Variants in RIOX2 observed in about 807,000 individuals in gnomAD.
RIOX2 encodes ribosomal oxygenase 2, also known as 60S ribosomal protein L27a histidine hydroxylase.
Under a neutral mutation model 51.2 loss-of-function variants are expected in RIOX2, and 43 were observed. That is an observed-to-expected ratio of 0.84 (90% confidence interval 0.66 to 1.08). The LOEUF (loss-of-function observed/expected upper bound fraction) is 1.08, where lower values mean the gene tolerates loss of function less well. Among genes scored for constraint, RIOX2 ranks in the 50% least tolerant of loss-of-function variants. RIOX2 has a pLI of 0.00. For missense variants in RIOX2, 566 were observed against 561.7 expected, an observed-to-expected ratio of 1.01 and a Z score of -0.08; for synonymous variants, 226 against 218.5, an observed-to-expected ratio of 1.03 and a Z score of -0.30.
intron 2 of RIOX2, 119 bp from the exon 3 acceptor site, chr3:97,961,827 C>G (rs931022358): frequency 9.2e-7 from 1 of 1,086,612 alleles, no homozygotes; most frequent in Non-Finnish European, 1.2e-6. Flanking sequence ...CTATTATACA[C>G]CAGATACTGG....
chr3:97,970,002 A>G (rs1432158813), intron 1 of RIOX2, among the ~76,000 whole-genome samples: 4 of 152,236 alleles, frequency 2.6e-5, no homozygotes, highest in Non-Finnish European at 4.4e-5. Flanking sequence ...CACCCTATAG[A>G]GTCATTTTAT....
At chr3:97,959,305 G>T in intron 3 of RIOX2, 126 bp from the exon 4 acceptor site, 2 of 423,450 alleles carry the variant, frequency 4.7e-6, no homozygotes, top group Non-Finnish European at 7.5e-6. Context: ...GAACAACACA[G>T]GTTTTTTTTT....
chr3:97,967,492 G>T lies in RIOX2; in HGVS notation c.102C>A (p.Asn34Lys). The T allele has an allele frequency of 6.2e-7, 1 of 1,614,168 alleles. No homozygotes were observed. The highest frequency in any genetic ancestry group is 8.5e-7 in the Non-Finnish European group (1 of 1,180,042). ...CAAAGAGACTACTGGGACTGTCAAA[G>T]TTTAAAGCTGAAGGCCCCCCAGCTG... Reference protein sequence around the residue: ...LEAAGGPSALNFDSPSSLFES... With the variant: ...LEAAGGPSALKFDSPSSLFES... Residue 34 changes from asparagine (N) to lysine (K), a missense_variant, in exon 2 of 10, where the codon AAC becomes AAA. Asn to Lys is a moderately conservative substitution (Grantham distance 94). Coordinates refer to ENST00000394198, the MANE Select transcript of RIOX2 (RefSeq NM_153182.4).
chr3:97,950,687 C>A, intron 6 of RIOX2, 99 bp downstream of exon 6: 1 of 901,122 alleles, frequency 1.1e-6, no homozygotes. Flanking sequence ...ACAAGCCTGG[C>A]TCATGTTGGA....
intron 8 of RIOX2, among the ~76,000 whole-genome samples, chr3:97,946,374 C>T (rs2040357184): frequency 6.6e-6 from 1 of 151,856 alleles, no homozygotes; most frequent in South Asian, 2.1e-4. Flanking sequence ...ATTTCAATTA[C>T]ACTACCCTCC....
At position 97,947,385 on chromosome 3, in the gene RIOX2, T is replaced by C; in HGVS notation, c.1125A>G (p.Thr375=). 6.2e-7 allele frequency: 1 copy of C among 1,613,416 alleles called. No homozygotes were observed. The highest frequency in any genetic ancestry group is 8.5e-7 in the Non-Finnish European group (1 of 1,179,454). ...CAGATTGATCTTGATCCGGCAGTAC[T>C]GTGAGGACAATGTGGTCTTTAAACT... ...RLQFKDHIVL[T]VLPDQDQSDE... The change falls in exon 8 of 10, where the codon ACA becomes ACG. Residue 375 remains threonine, a synonymous_variant. Transcript: ENST00000394198.
chr3:97,945,590 C>T (rs989128780), intron 9 of RIOX2: 3 of 606,522 alleles, frequency 4.9e-6, no homozygotes, highest in Non-Finnish European at 8.7e-6. Flanking sequence ...GCTACAGGTC[C>T]CAGCTAGTAT....
chr3:97,952,257 C>T, intron 5 of RIOX2: 1 of 1,288,270 alleles, frequency 7.8e-7, no homozygotes. Flanking sequence ...GCATCACTGT[C>T]CAAGACACAG....
intron 3 of RIOX2, among the ~76,000 whole-genome samples, chr3:97,960,928 T>TA (rs1705651672): frequency 6.6e-6 from 1 of 152,178 alleles, no homozygotes; most frequent in Non-Finnish European, 1.5e-5. Flanking sequence ...TTAAAAATAT[T>TA]AAAAATAACA....
At position 97,944,584 on chromosome 3, in the gene RIOX2, A is replaced by G. The variant is rs1040663706; in HGVS notation, c.*600T>C. The G allele has an allele frequency of 2.0e-5, 3 of 152,368 alleles. No individual in the cohort carries two copies. Among genetic ancestry groups the G allele is most frequent in the African/African-American group, 7.2e-5 (3 of 41,422 alleles). The allele number at this position is 152,368 out of a possible 1,614,324, so 9.4% of individuals were successfully genotyped here. ...TTTGAGTATTTTTTATAGACTTTAA[A>G]TACTGGGTTTTTTTCCTCCTTCAAT... On this transcript the variant is annotated 3_prime_UTR_variant, in exon 10 of 10. Transcript: ENST00000394198.
rs373035216 is a variant in RIOX2, at chr3:97,954,418, G to T, written c.759C>A (p.His253Gln). 2 of 1,613,808 alleles carry T rather than the reference G, an allele frequency of 1.2e-6. No individual in the cohort carries two copies. The highest frequency in any genetic ancestry group is 1.3e-5 in the African/African-American group (1 of 74,936). ...DTPAGLAHSTHVTISTYQNNS... is the reference protein window; with the variant it reads ...DTPAGLAHSTQVTISTYQNNS... Reference sequence around the variant, plus strand: ...TGTTCTGGTAGGTGCTGATGGTCACGTGAGTAGAGTGGGCCAGCCCCGCAG... The same window carrying T: ...TGTTCTGGTAGGTGCTGATGGTCACTTGAGTAGAGTGGGCCAGCCCCGCAG... The change falls in exon 5 of 10, where the codon CAC becomes CAA. Residue 253 changes from histidine (H) to glutamine (Q), a missense_variant. Coordinates refer to ENST00000394198, the MANE Select transcript of RIOX2 (RefSeq NM_153182.4).
intron 2 of RIOX2, among the ~76,000 whole-genome samples, chr3:97,966,120 T>C (rs1236920645): frequency 2.6e-5 from 4 of 152,186 alleles, no homozygotes; most frequent in South Asian, 4.1e-4. Flanking sequence ...CAAGATCTTT[T>C]AGACAAGAAA....
At position 97,944,050 on chromosome 3, in the gene RIOX2, T is replaced by TA. The variant is rs1010112138; in HGVS notation, c.*1133dup. The TA allele has an allele frequency of 1.3e-5, 2 of 151,622 alleles. No individual in the cohort carries two copies. Among genetic ancestry groups the TA allele is most frequent in the African/African-American group, 4.8e-5 (2 of 41,340 alleles). The allele number at this position is 151,622 out of a possible 1,614,324, so 9.4% of individuals were successfully genotyped here. A position where few individuals can be genotyped will look rare whatever the true frequency, so the allele number is the denominator to read the frequency against. On this transcript the variant is annotated 3_prime_UTR_variant, in exon 10 of 10. Coordinates refer to ENST00000394198, the MANE Select transcript of RIOX2 (RefSeq NM_153182.4). ...CATCCCTTTAGGTGACAAGACTCTA[T>TA]AACAGTGGTTACCTGTCTCCATGTT...
At chr3:97,948,004 A>G (rs957939514) in intron 7 of RIOX2, among the ~76,000 whole-genome samples, 1 of 152,150 alleles carries the variant, frequency 6.6e-6, no homozygotes, top group African/African-American at 2.4e-5. Flanking sequence ...AATACCCAAT[A>G]AAAACAGACT....
chr3:97,954,916 C>G (rs1164143484), intron 4 of RIOX2, among the ~76,000 whole-genome samples: 3 of 152,194 alleles, frequency 2.0e-5, no homozygotes, highest in African/African-American at 7.2e-5. Flanking sequence ...GGCTGATGAT[C>G]TGGCAATTTA....
At position 97,944,881 on chromosome 3, in the gene RIOX2, C is replaced by G. The variant is rs768006058; in HGVS notation, c.*303G>C. The G allele has an allele frequency of 1.6e-4, 32 of 194,924 alleles. No individual in the cohort carries two copies. The highest frequency in any genetic ancestry group is 3.1e-4 in the Non-Finnish European group (30 of 96,722). The allele number at this position is 194,924 out of a possible 1,614,324, so 12.1% of individuals were successfully genotyped here. A position where few individuals can be genotyped will look rare whatever the true frequency, so the allele number is the denominator to read the frequency against. On this transcript the variant is annotated 3_prime_UTR_variant, in exon 10 of 10. Coordinates refer to ENST00000394198, the MANE Select transcript of RIOX2 (RefSeq NM_153182.4). ...AGTTGTTTCTTCCAAAGAACAAAGC[C>G]AGGTTAATGACATTCAATTCTAAAT...
chr3:97,964,202 G>T (rs531051347), intron 2 of RIOX2, among the ~76,000 whole-genome samples: 2 of 152,194 alleles, frequency 1.3e-5, no homozygotes, highest in South Asian at 4.1e-4. Context: ...AAAACTCAAC[G>T]CCATGGCTAA....
intron 4 of RIOX2, among the ~76,000 whole-genome samples, chr3:97,957,521 GCACATA>G (rs1038839577): frequency 5.4e-4 from 79 of 146,830 alleles, no homozygotes; most frequent in African/African-American, 1.9e-3. Context: ...AAAATGACAT[GCACATA>G]CACATACACA....
chr3:97,968,028 C>T (rs962062224), intron 1 of RIOX2, among the ~76,000 whole-genome samples: 3 of 152,186 alleles, frequency 2.0e-5, no homozygotes, highest in African/African-American at 7.2e-5. Flanking sequence ...CCATCAGCAT[C>T]AGGGCCCACA....
Sources: gnomAD v4.1 joint callset for allele counts (sites outside exome capture counted in the v4.1 genomes callset) on GRCh38, gnomAD v4.1.1 for gene constraint, MANE v1.5 for transcripts, NCBI Gene and HGNC (gene_info 2026-07-23, HGNC 2026-07-21) for gene names.